Variants in TAF2 observed in about 807,000 individuals in gnomAD.
The protein encoded by TAF2 is transcription initiation factor TFIID subunit 2.
Under a neutral mutation model 138.5 loss-of-function variants are expected in TAF2, and 61 were observed. The ratio of observed to expected loss-of-function variants is 0.44; its 90% CI spans 0.36 to 0.54. The LOEUF is 0.54. Among genes scored for constraint, TAF2 ranks in the 20% least tolerant of loss-of-function variants. The pLI is 0.00. For synonymous variants in TAF2, 475 were observed against 469.9 expected, an observed-to-expected ratio of 1.01 and a Z score of -0.14; for missense variants, 1,090 against 1,427.9, an observed-to-expected ratio of 0.76 and a Z score of 3.81.
intron 3 of TAF2, among the ~76,000 whole-genome samples, chr8:119,807,286 T>C (rs1198676386): frequency 6.6e-6 from 1 of 152,196 alleles, no homozygotes; most frequent in Admixed American, 6.5e-5. Context: ...CATAGTTATC[T>C]GACCTTATTT....
chr8:119,797,995 G>C (rs1472278301), intron 6 of TAF2, 149 bp from the exon 7 acceptor site: 1 of 793,766 alleles, frequency 1.3e-6, no homozygotes, highest in East Asian at 2.7e-5. Context: ...TGTGAAAATA[G>C]TGATCACTTT....
At chr8:119,781,258 G>C (rs1822632070) in intron 16 of TAF2, 65 bp from the exon 17 acceptor site, 1 of 1,583,520 alleles carries the variant, frequency 6.3e-7, no homozygotes, top group Non-Finnish European at 8.6e-7. Context: ...AAATAAAACA[G>C]CTTCTTAAAA....
At chr8:119,796,034 C>T (rs79364665) in intron 8 of TAF2, among the ~76,000 whole-genome samples, 2,834 of 152,162 alleles carry the variant, frequency 0.019, 88 homozygotes, top group African/African-American at 0.064. Context: ...ATGCATTATG[C>T]CATTACCAAT....
At chr8:119,769,905 G>A (rs992194023) in intron 18 of TAF2, among the ~76,000 whole-genome samples, 6 of 151,606 alleles carry the variant, frequency 4.0e-5, no homozygotes, top group East Asian at 1.9e-4. Flanking sequence ...CTACAGGCAC[G>A]TGCCACCATG....
rs142923059 is a variant in TAF2, at chr8:119,795,010, T to A, written c.1191+522A>T. Among the ~76,000 whole-genome samples, 350 of 151,556 alleles carry A rather than the reference T, an allele frequency of 2.3e-3. 1 individual carries two copies. The highest frequency in any genetic ancestry group is 8.1e-3 in the African/African-American group (334 of 41,288). Reference sequence around the variant, plus strand: ...AATGTGCTAAGTAAAATACAACTGATGTTTTCTTTTTGGCCAAATCTTTAA... The same window carrying A: ...AATGTGCTAAGTAAAATACAACTGAAGTTTTCTTTTTGGCCAAATCTTTAA... On this transcript the variant is annotated intron_variant, in intron 9 of 25. Coordinates refer to ENST00000378164, the MANE Select transcript of TAF2 (RefSeq NM_003184.4).
At chr8:119,737,855 G>A (rs541461184) in intron 25 of TAF2, among the ~76,000 whole-genome samples, 1 of 149,370 alleles carries the variant, frequency 6.7e-6, no homozygotes, top group Non-Finnish European at 1.5e-5. Flanking sequence ...GCAATACCAT[G>A]AAAGTGTTAC....
At chr8:119,817,471 C>G (rs143471223) in intron 3 of TAF2, among the ~76,000 whole-genome samples, 3 of 152,166 alleles carry the variant, frequency 2.0e-5, no homozygotes, top group Admixed American at 6.5e-5. Context: ...CCTCTGCCCC[C>G]CTGGTCCGTG....
At chr8:119,816,050 C>CTTTT (rs770573593) in intron 3 of TAF2, among the ~76,000 whole-genome samples, 4 of 133,892 alleles carry the variant, frequency 3.0e-5, no homozygotes, top group Non-Finnish European at 6.4e-5. Context: ...CACACTCTTT[C>CTTTT]TTTTTTTTTT....
intron 2 of TAF2, among the ~76,000 whole-genome samples, chr8:119,829,864 T>G (rs1008175360): frequency 6.7e-6 from 1 of 149,670 alleles, no homozygotes; most frequent in Admixed American, 6.7e-5. Context: ...TTTTTAGTTT[T>G]TTTTTTTTTT....
intron 6 of TAF2, among the ~76,000 whole-genome samples, chr8:119,800,506 T>G (rs1824180749): frequency 6.6e-6 from 1 of 152,208 alleles, no homozygotes; most frequent in Non-Finnish European, 1.5e-5. Flanking sequence ...GGTCTATATC[T>G]CTGTTTTGGT....
chr8:119,749,864 AG>A (rs1484765693), intron 22 of TAF2, among the ~76,000 whole-genome samples: 20 of 152,298 alleles, frequency 1.3e-4, no homozygotes, highest in Admixed American at 1.2e-3. Flanking sequence ...GACAGTCACT[AG>A]TCTCTCCTCC....
intron 2 of TAF2, among the ~76,000 whole-genome samples, chr8:119,823,226 T>C (rs752770246): frequency 6.6e-5 from 10 of 152,180 alleles, no homozygotes; most frequent in Non-Finnish European, 1.2e-4. Flanking sequence ...CTTGAAAAAG[T>C]AGAATATGTT....
intron 2 of TAF2, among the ~76,000 whole-genome samples, chr8:119,819,729 C>T (rs1825702718): frequency 6.6e-6 from 1 of 151,988 alleles, no homozygotes; most frequent in South Asian, 2.1e-4. Flanking sequence ...GGTTCATATT[C>T]ACTATCAGTG....
intron 2 of TAF2, among the ~76,000 whole-genome samples, chr8:119,829,572 C>CATAATATAT (rs560520323): frequency 3.3e-5 from 5 of 151,692 alleles, no homozygotes; most frequent in Non-Finnish European, 7.4e-5. Flanking sequence ...TATATATACA[C>CATAATATAT]ATACATATAT....
intron 2 of TAF2, among the ~76,000 whole-genome samples, chr8:119,830,099 C>T (rs1355211520): frequency 5.9e-5 from 9 of 151,806 alleles, no homozygotes; most frequent in Admixed American, 4.6e-4. Context: ...AGGGTTTCAC[C>T]GTGTTAGCCA....
At chr8:119,781,974 C>T (rs1822696069) in intron 16 of TAF2, among the ~76,000 whole-genome samples, 1 of 152,140 alleles carries the variant, frequency 6.6e-6, no homozygotes, top group Admixed American at 6.6e-5. Flanking sequence ...AGGCGTGAGC[C>T]ACTGCACTCG....
intron 23 of TAF2, among the ~76,000 whole-genome samples, chr8:119,745,992 G>A (rs1819939293): frequency 1.3e-5 from 2 of 152,108 alleles, no homozygotes; most frequent in Non-Finnish European, 2.9e-5. Flanking sequence ...GTATTACACA[G>A]AGCAACAATT....
rs116359543 is a variant in TAF2 at position 119,782,267 on chromosome 8, T to C, written c.2113-1074A>G. ...TGCTTTACAAAAGCATATCTTGCTT[T>C]ACCCTATGTCTTGCTATTGATATTT... On this transcript the variant is annotated intron_variant, in intron 16 of 25. Transcript: ENST00000378164. Among the ~76,000 whole-genome samples the C allele has an allele frequency of 9.1e-3, 1,379 of 152,282 alleles. 20 individuals carry two copies. Among genetic ancestry groups the C allele is most frequent in the African/African-American group, 0.032 (1,316 of 41,560 alleles).
intron 1 of TAF2, among the ~76,000 whole-genome samples, chr8:119,831,958 A>G (rs1826477199): frequency 6.6e-6 from 1 of 152,140 alleles, no homozygotes; most frequent in African/African-American, 2.4e-5. Flanking sequence ...CAAGAGTTCG[A>G]GACCAGCCTG....
Sources: allele counts gnomAD v4.1 joint callset (sites outside exome capture counted in the v4.1 genomes callset), GRCh38; gene constraint gnomAD v4.1.1; transcripts MANE v1.5; gene names NCBI Gene and HGNC (gene_info 2026-07-23, HGNC 2026-07-21).